DENND5A: variants seen among roughly 807,000 people sequenced by gnomAD.
DENND5A encodes the protein DENN domain containing 5A, also known as DENN domain-containing protein 5A.
DENND5A carries 64 observed loss-of-function variants against 140.3 expected under a neutral mutation model. The observed-to-expected ratio is 0.46, with a 90% confidence interval of 0.37 to 0.56. The LOEUF (loss-of-function observed/expected upper bound fraction) is 0.56, where lower values mean the gene tolerates loss of function less well. DENND5A is among the 20% of genes least tolerant of loss of function. The pLI is 0.00. For synonymous variants in DENND5A, 605 were observed against 607.7 expected (o/e 1.00, Z 0.07); for missense variants, 1,292 against 1,593.8 (o/e 0.81, Z 3.22).
chr11:9,238,980 C>T lies in DENND5A; in HGVS notation c.109+25981G>A, dbSNP rs377442608. 1.2e-4 allele frequency among the ~76,000 whole-genome samples: 18 copies of T among 151,774 alleles called. No individual in the cohort carries two copies. The East Asian group carries it at 2.3e-3, about 20-fold the overall frequency. The stretch of plus-strand genomic sequence containing the variant: ...CTGAGTAGCTAGGATTACAGGTGCA[C>T]GCCACCACACCCGGCTAATTTTTGT... On this transcript the variant is annotated intron_variant, in intron 1 of 22. Coordinates refer to ENST00000328194, the MANE Select transcript of DENND5A (RefSeq NM_015213.4).
At chr11:9,140,199 A>G in intron 22 of DENND5A, 1 of 1,342,644 alleles carries the variant, frequency 7.4e-7, no homozygotes, top group Non-Finnish European at 9.8e-7. Context: ...CTCACATAAC[A>G]CTCAGCATGT....
chr11:9,140,105 G>T, intron 22 of DENND5A: 1 of 1,382,738 alleles, frequency 7.2e-7, no homozygotes, highest in Non-Finnish European at 9.7e-7. Context: ...CCCTCGCCCT[G>T]CCTAGTCAGC....
chr11:9,156,205 C>T (rs776390878), intron 12 of DENND5A, among the ~76,000 whole-genome samples: 4 of 152,146 alleles, frequency 2.6e-5, no homozygotes, highest in Non-Finnish European at 5.9e-5. Flanking sequence ...TCCAGCTGAA[C>T]ACGTATCCCT....
intron 4 of DENND5A, among the ~76,000 whole-genome samples, chr11:9,201,459 C>T (rs1403945133): frequency 1.3e-5 from 2 of 151,042 alleles, no homozygotes; most frequent in African/African-American, 4.9e-5. Context: ...GAGGTTCAGC[C>T]CAGGAGTTTG....
intron 8 of DENND5A, among the ~76,000 whole-genome samples, chr11:9,173,556 T>C (rs533751271): frequency 9.2e-5 from 14 of 152,232 alleles, no homozygotes; most frequent in African/African-American, 1.4e-4. Context: ...GGTCTCATCA[T>C]GTGATCCAAG....
chr11:9,203,395 T>C, intron 4 of DENND5A: 1 of 353,910 alleles, frequency 2.8e-6, no homozygotes, highest in Non-Finnish European at 5.2e-6. Context: ...TACCCACCCC[T>C]CTTTTCACTT....
chr11:9,204,181 C>G lies in DENND5A; in HGVS notation c.428G>C (p.Ser143Thr). ...FALTFYEEVTSKQICSAMQTL... is the reference protein window; with the variant it reads ...FALTFYEEVTTKQICSAMQTL... ...CTGCATTGCACTGCAGATCTGCTTG[C>G]TAGTCACCTCTTCATAAAATGTGAG... The change falls in exon 4 of 23, where the codon AGC (serine) becomes ACC (threonine). Residue 143 changes from serine to threonine, a missense_variant. Around this residue, in one of 4 missense-constraint regions of DENND5A, gnomAD observed 566 missense variants for 650.4 expected, o/e 0.87. Transcript: ENST00000328194. The G allele has an allele frequency of 6.2e-7, 1 of 1,614,144 alleles. No individual in the cohort carries two copies. Among genetic ancestry groups the G allele is most frequent in the Non-Finnish European group, 8.5e-7 (1 of 1,180,024 alleles).
intron 8 of DENND5A, among the ~76,000 whole-genome samples, chr11:9,173,118 G>GC (rs1848428463): frequency 6.6e-6 from 1 of 151,888 alleles, no homozygotes; most frequent in South Asian, 2.1e-4. Flanking sequence ...GAGCCACCGC[G>GC]CCTGGCCTGG....
intron 12 of DENND5A, among the ~76,000 whole-genome samples, chr11:9,152,990 G>A (rs1487495700): frequency 4.6e-5 from 6 of 130,750 alleles, no homozygotes; most frequent in Non-Finnish European, 8.1e-5. Context: ...AGGGTGAGAC[G>A]CCGTCTCAAA....
intron 1 of DENND5A, among the ~76,000 whole-genome samples, chr11:9,260,199 T>C (rs747394191): frequency 1.3e-5 from 2 of 152,036 alleles, no homozygotes; most frequent in Admixed American, 6.6e-5. Context: ...GAGTACAAGA[T>C]GAAAGAACCT....
chr11:9,162,556 T>C (rs554727758), intron 11 of DENND5A, among the ~76,000 whole-genome samples: 5 of 152,080 alleles, frequency 3.3e-5, no homozygotes, highest in Admixed American at 1.3e-4. Context: ...TATTTATAAA[T>C]ACTGTCTGTT....
intron 1 of DENND5A, among the ~76,000 whole-genome samples, chr11:9,262,690 G>C (rs2136310844): frequency 6.6e-6 from 1 of 151,982 alleles, no homozygotes; most frequent in Admixed American, 6.6e-5. Context: ...ATAAGAATTT[G>C]AAGACCTTAA....
chr11:9,174,102 C>CAAAAAAAAAAA lies in DENND5A; in HGVS notation c.1907-3336_1907-3326dup, dbSNP rs57703622. Among the ~76,000 whole-genome samples the CAAAAAAAAAAA allele has an allele frequency of 1.5e-3, 65 of 42,150 alleles. 1 individual carries two copies. The highest frequency in any genetic ancestry group is 4.7e-3 in the East Asian group (3 of 642). 27.7% of individuals were successfully genotyped at this position (42,150 alleles called of 152,430 possible). A position where few individuals can be genotyped will look rare whatever the true frequency, so the allele number is the denominator to read the frequency against. On this transcript the variant is annotated intron_variant, in intron 8 of 22. Transcript: ENST00000328194. ...TGGGCGATAGAGCAAGACTCCGTCT[C>CAAAAAAAAAAA]AAAAAAAAAAAAAAAAAAAAAAAAA... is the stretch of plus-strand genomic sequence containing the variant.
At position 9,261,334 on chromosome 11, in the gene DENND5A, T is replaced by C. The variant is rs535518913; in HGVS notation, c.109+3627A>G. On this transcript the variant is annotated intron_variant, in intron 1 of 22. Coordinates refer to ENST00000328194, the MANE Select transcript of DENND5A (RefSeq NM_015213.4). ...TTCTTAGAGACTCCTTAATACCTTC[T>C]TGGAGAACCTGGCTACAAATTACAA... 2.6e-5 allele frequency among the ~76,000 whole-genome samples: 4 copies of C among 152,300 alleles called. No individual in the cohort carries two copies. The South Asian group carries it at 8.3e-4, about 32-fold the overall frequency.
rs80352551 is a variant in DENND5A at position 9,246,300 on chromosome 11, G to A, written c.109+18661C>T. Among the ~76,000 whole-genome samples, 204 of 152,176 alleles carry A rather than the reference G, an allele frequency of 1.3e-3. 1 individual carries two copies. The highest frequency in any genetic ancestry group is 0.012 in the East Asian group (60 of 5,172). On this transcript the variant is annotated intron_variant, in intron 1 of 22. Coordinates refer to ENST00000328194, the MANE Select transcript of DENND5A (RefSeq NM_015213.4). ...CAGACACCCACTGAGGTTCCACACC[G>A]GACACATAGACCTTAGATAAAAGGA... is the stretch of plus-strand genomic sequence containing the variant.
intron 4 of DENND5A, among the ~76,000 whole-genome samples, chr11:9,203,107 C>G (rs1232857385): frequency 6.6e-6 from 1 of 152,178 alleles, no homozygotes; most frequent in Non-Finnish European, 1.5e-5. Context: ...GAATGAATTT[C>G]ATGTTACTAG....
At chr11:9,233,631 C>T (rs935492676) in intron 1 of DENND5A, among the ~76,000 whole-genome samples, 1 of 151,910 alleles carries the variant, frequency 6.6e-6, no homozygotes, top group Non-Finnish European at 1.5e-5. Context: ...ATAATAGACA[C>T]AGAGGAAAAG....
At chr11:9,201,048 C>A (rs776977810) in intron 4 of DENND5A, among the ~76,000 whole-genome samples, 33 of 151,908 alleles carry the variant, frequency 2.2e-4, no homozygotes, top group Non-Finnish European at 1.9e-4. Context: ...TGAATTATAA[C>A]CTGAGTAAAA....
intron 5 of DENND5A, among the ~76,000 whole-genome samples, chr11:9,191,370 T>G (rs549108939): frequency 6.6e-6 from 1 of 152,292 alleles, no homozygotes; most frequent in South Asian, 2.1e-4. Context: ...CCCACGTAGC[T>G]GGGACTACAG....
Sources: gnomAD v4.1 joint callset for allele counts (sites outside exome capture counted in the v4.1 genomes callset) on GRCh38, gnomAD v4.1.1 for gene constraint, gnomAD v4.1.1 regional missense constraint, MANE v1.5 for transcripts, NCBI Gene and HGNC (gene_info 2026-07-23, HGNC 2026-07-21) for gene names.